PDE10A: variants seen among roughly 807,000 people sequenced by gnomAD.
PDE10A encodes cAMP and cAMP-inhibited cGMP 3',5'-cyclic phosphodiesterase 10A.
In PDE10A, 39 loss-of-function variants were observed where a neutral mutation model predicts 97.7. The ratio of observed to expected loss-of-function variants is 0.40; its 90% confidence interval spans 0.31 to 0.52. PDE10A has a LOEUF of 0.52. PDE10A is among the 20% of genes least tolerant of loss of function. The probability of loss-of-function intolerance (pLI) is 0.56; values close to 1 mark genes in which losing one functional copy is unlikely to be tolerated. For synonymous variants in PDE10A, 371 were observed against 376.8 expected (o/e 0.98, Z 0.18); for missense variants, 731 against 1,047.8 (o/e 0.70, Z 4.17).
chr6:165,692,672 C>G (rs575314278), intron 1 of PDE10A, among the ~76,000 whole-genome samples: 1 of 152,210 alleles, frequency 6.6e-6, no homozygotes, highest in Non-Finnish European at 1.5e-5. Flanking sequence ...TCGGCAGTAA[C>G]GCATGCTGTA....
chr6:165,663,820 C>CGCCTT (rs1457387161), upstream of PDE10A, among the ~76,000 whole-genome samples: 1 of 152,176 alleles, frequency 6.6e-6, no homozygotes, highest in Non-Finnish European at 1.5e-5. Flanking sequence ...ACCCTGAGAC[C>CGCCTT]GCCTTGCCAT....
chr6:165,359,914 C>T (rs1407975031), intron 18 of PDE10A, among the ~76,000 whole-genome samples: 1 of 152,120 alleles, frequency 6.6e-6, no homozygotes, highest in East Asian at 1.9e-4. Context: ...CTTTAGAGTG[C>T]CAACCCCTAT....
At chr6:165,454,997 C>T (rs1337167934) in intron 3 of PDE10A, among the ~76,000 whole-genome samples, 2 of 152,096 alleles carry the variant, frequency 1.3e-5, no homozygotes, top group Non-Finnish European at 2.9e-5. Flanking sequence ...TACTATGCCA[C>T]CAAAAATGTA....
intron 1 of PDE10A, among the ~76,000 whole-genome samples, chr6:165,824,714 G>A (rs954180825): frequency 2.0e-5 from 3 of 152,034 alleles, no homozygotes; most frequent in Non-Finnish European, 2.9e-5. Flanking sequence ...AAAGTTTTTC[G>A]GCAGCTTCAT....
At chr6:165,605,850 A>C (rs1039398724) in intron 1 of PDE10A, among the ~76,000 whole-genome samples, 1 of 152,096 alleles carries the variant, frequency 6.6e-6, no homozygotes, top group Non-Finnish European at 1.5e-5. Flanking sequence ...AAGACCACAT[A>C]ATGAAAGAGA....
At chr6:165,523,700 T>C (rs1172684426) in intron 2 of PDE10A, among the ~76,000 whole-genome samples, 1 of 152,138 alleles carries the variant, frequency 6.6e-6, no homozygotes, top group African/African-American at 2.4e-5. Flanking sequence ...CTTGTGAACA[T>C]CAGACTTGGC....
At chr6:165,959,594 C>A (rs1162348081) in intron 1 of PDE10A, among the ~76,000 whole-genome samples, 1 of 152,158 alleles carries the variant, frequency 6.6e-6, no homozygotes. Context: ...AAAACTGTTT[C>A]CCTGGATAAT....
intron 1 of PDE10A, among the ~76,000 whole-genome samples, chr6:165,805,739 CAG>C (rs1202301325): frequency 3.9e-5 from 6 of 152,154 alleles, no homozygotes; most frequent in Non-Finnish European, 7.3e-5. Flanking sequence ...GATGAACTCT[CAG>C]AGGTAAAAGA....
At chr6:165,436,968 A>G (rs1162259493) in intron 5 of PDE10A, among the ~76,000 whole-genome samples, 1 of 152,216 alleles carries the variant, frequency 6.6e-6, no homozygotes, top group Admixed American at 6.5e-5. Context: ...TATATTTAGA[A>G]TGAAGAAAAA....
intron 1 of PDE10A, among the ~76,000 whole-genome samples, chr6:165,618,866 TA>T (rs1480630334): frequency 6.6e-6 from 1 of 152,204 alleles, no homozygotes; most frequent in Non-Finnish European, 1.5e-5. Context: ...ACATAGGTAC[TA>T]AAAGAGCCCT....
At chr6:165,720,653 C>T (rs573961169) in intron 1 of PDE10A, among the ~76,000 whole-genome samples, 72 of 152,318 alleles carry the variant, frequency 4.7e-4, no homozygotes, top group African/African-American at 1.5e-3. Flanking sequence ...GATCTACCGC[C>T]CTGAGAAGCA....
Position 165,838,542 on chromosome 6 carries a change from C to T in PDE10A, c.-615+148987G>A, listed in dbSNP as rs183239806. 2.6e-5 allele frequency among the ~76,000 whole-genome samples: 4 copies of T among 152,284 alleles called. No individual in the cohort carries two copies. In the East Asian group the frequency reaches 5.8e-4, roughly 22 times the overall value. On this transcript the variant is annotated intron_variant, in intron 1 of 19. Transcript: ENST00000366882. Reference sequence around the variant, plus strand: ...TTTCCATCAGCTCCAAAAGAAATTCCGTACTCATTTTCAGCCACTCCCCAT... The same window carrying T: ...TTTCCATCAGCTCCAAAAGAAATTCTGTACTCATTTTCAGCCACTCCCCAT...
At chr6:165,549,911 G>T (rs985050780) in intron 1 of PDE10A, among the ~76,000 whole-genome samples, 3 of 152,128 alleles carry the variant, frequency 2.0e-5, no homozygotes, top group African/African-American at 7.2e-5. Context: ...AGGATCTATT[G>T]TAAGAATTAG....
intron 1 of PDE10A, among the ~76,000 whole-genome samples, chr6:165,750,662 G>A (rs1482058568): frequency 6.6e-6 from 1 of 152,212 alleles, no homozygotes; most frequent in Non-Finnish European, 1.5e-5. Flanking sequence ...CTTCTGAGTG[G>A]AGTTCTTTGA....
chr6:165,646,651 T>C (rs1444715825), intron 1 of PDE10A, among the ~76,000 whole-genome samples: 1 of 152,154 alleles, frequency 6.6e-6, no homozygotes, highest in Admixed American at 6.5e-5. Context: ...GCTTATGATG[T>C]CGAGGAAAGA....
chr6:165,714,734 A>G (rs1011696070), intron 1 of PDE10A, among the ~76,000 whole-genome samples: 4 of 152,234 alleles, frequency 2.6e-5, no homozygotes. Context: ...CCCTAAAGAA[A>G]CAGGAGTCTG....
intron 19 of PDE10A, among the ~76,000 whole-genome samples, chr6:165,340,143 T>C (rs2128178433): frequency 1.3e-5 from 2 of 152,342 alleles, no homozygotes; most frequent in South Asian, 4.1e-4. Flanking sequence ...TTTCATTTAA[T>C]CCTTATGAAA....
At chr6:165,674,782 G>A (rs1790749043) in intron 1 of PDE10A, among the ~76,000 whole-genome samples, 1 of 152,208 alleles carries the variant, frequency 6.6e-6, no homozygotes, top group East Asian at 1.9e-4. Flanking sequence ...GCCTCTGAAA[G>A]TTGTAACACT....
chr6:165,905,985 TTCCTTCCTTCCTTCCTTCCTTCCTTC>T (rs1782252023), intron 1 of PDE10A, among the ~76,000 whole-genome samples: 1 of 47,866 alleles, frequency 2.1e-5, no homozygotes, highest in Non-Finnish European at 4.3e-5. Context: ...CTTTTTCTCC[TTCCTTCCTTCCTTCCTTCCTTCCTTC>T]CTTCCCTCCC....
Sources: gnomAD v4.1 joint callset for allele counts (sites outside exome capture counted in the v4.1 genomes callset) on GRCh38, gnomAD v4.1.1 for gene constraint, MANE v1.5 for transcripts, NCBI Gene and HGNC (gene_info 2026-07-23, HGNC 2026-07-21) for gene names.